Variants in IL1RN observed in about 807,000 individuals in gnomAD.
The protein encoded by IL1RN is interleukin-1 receptor antagonist protein.
IL1RN carries 10 observed loss-of-function variants against 13.7 expected under a neutral mutation model. The ratio of observed to expected loss-of-function variants is 0.73; its 90% CI spans 0.45 to 1.24. IL1RN has a LOEUF of 1.24. Ranked by LOEUF, IL1RN falls within the 50% of genes most tolerant of loss-of-function variation. The probability of loss-of-function intolerance (pLI) is 0.00; values close to 1 mark genes in which losing one functional copy is unlikely to be tolerated. For synonymous variants in IL1RN, 102 were observed against 82.7 expected, an observed-to-expected ratio of 1.23 and a Z score of -1.27; for missense variants, 213 against 222.1, an observed-to-expected ratio of 0.96 and a Z score of 0.26.
At position 113,120,711 on chromosome 2, in the gene IL1RN, A is replaced by C. The variant is rs151084046; in HGVS notation, c.73+583A>C. On this transcript the variant is annotated intron_variant, in intron 2 of 5. Transcript: ENST00000259206. ...ATCATTTCTTTCCTTATTACCAAAA[A>C]TCCTCCCCAAATTTTCAAGAAATTA... 4.8e-4 allele frequency among the ~76,000 whole-genome samples: 73 copies of C among 152,268 alleles called. No homozygotes were observed. The East Asian group carries it at 0.013, about 27-fold the overall frequency.
upstream of IL1RN, among the ~76,000 whole-genome samples, chr2:113,115,998 C>T (rs1051867595): frequency 1.9e-4 from 29 of 152,170 alleles, no homozygotes; most frequent in African/African-American, 7.0e-4. Flanking sequence ...ATAGTAATGG[C>T]TAATACTTAA....
chr2:113,113,791 G>C (rs542702025), upstream of IL1RN, among the ~76,000 whole-genome samples: 4 of 152,298 alleles, frequency 2.6e-5, no homozygotes, highest in African/African-American at 9.6e-5. Flanking sequence ...AGAAAAGGAG[G>C]AGCTGCTCAG....
upstream of IL1RN, among the ~76,000 whole-genome samples, chr2:113,110,115 G>GA (rs535693575): frequency 2.4e-4 from 36 of 151,998 alleles, no homozygotes; most frequent in Non-Finnish European, 4.3e-4. Context: ...GGTTGCAGAT[G>GA]AAAAAAAAGT....
At chr2:113,117,720 A>G, upstream of IL1RN, 1 of 562,960 alleles carries the variant, frequency 1.8e-6, no homozygotes, top group South Asian at 2.1e-5. Context: ...TCTTACGCAG[A>G]TAAGAACCAG....
upstream of IL1RN, chr2:113,115,776 G>A (rs189315427): frequency 6.6e-5 from 10 of 152,204 alleles, no homozygotes; most frequent in African/African-American, 2.4e-4. Flanking sequence ...GGCTTGCAAA[G>A]GAGAGTTCTG....
At chr2:113,127,342 T>C, upstream of IL1RN, 1 of 488,220 alleles carries the variant, frequency 2.0e-6, no homozygotes, top group Non-Finnish European at 2.7e-6. Context: ...CATTGTGCTC[T>C]TCTTCCCAGG....
chr2:113,131,248 G>A, intron 3 of IL1RN, 91 bp downstream of exon 3: 2 of 793,206 alleles, frequency 2.5e-6, no homozygotes, highest in Non-Finnish European at 4.5e-6. Flanking sequence ...GGTTGACCAG[G>A]ATTAGCTGGG....
intron 2 of IL1RN, chr2:113,120,209 G>A (rs1686722857): frequency 1.1e-6 from 1 of 948,470 alleles, no homozygotes; most frequent in Non-Finnish European, 1.7e-6. Flanking sequence ...GTAGTTGAAG[G>A]AAATTAAAGA....
upstream of IL1RN, among the ~76,000 whole-genome samples, chr2:113,113,898 T>C (rs1686544758): frequency 6.6e-6 from 1 of 152,224 alleles, no homozygotes; most frequent in Non-Finnish European, 1.5e-5. Context: ...GGATGCACCA[T>C]GCCAATGTAG....
upstream of IL1RN, among the ~76,000 whole-genome samples, chr2:113,125,738 G>T (rs1298695310): frequency 3.3e-5 from 5 of 152,310 alleles, no homozygotes; most frequent in African/African-American, 9.6e-5. Flanking sequence ...TTGACATTTT[G>T]TCTGTATTCC....
In IL1RN at chr2:113,129,558, A is replaced by C; in HGVS notation, c.117-18A>C. On this transcript the variant is annotated intron_variant, in intron 1 of 3. Transcript: ENST00000409930. Reference sequence around the variant, plus strand: ...ACATGGTGGCTGTGCACTACAGCTGAGTCCTTTTCCTTTTCAGAATCTGGG... The same window carrying C: ...ACATGGTGGCTGTGCACTACAGCTGCGTCCTTTTCCTTTTCAGAATCTGGG... The C allele has an allele frequency of 6.5e-7, 1 of 1,531,542 alleles. No homozygotes were observed. The highest frequency in any genetic ancestry group is 9.1e-7 in the Non-Finnish European group (1 of 1,104,650). 94.9% of individuals were successfully genotyped at this position (1,531,542 alleles called of 1,614,324 possible).
In IL1RN at chr2:113,127,831, G is replaced by A. The variant is rs1369558524; in HGVS notation, c.116+91G>A. The A allele has an allele frequency of 3.0e-6, 4 of 1,340,288 alleles. No homozygotes were observed. The Admixed American group carries it at 5.3e-5, about 18-fold the overall frequency. The allele number at this position is 1,340,288 out of a possible 1,614,324, so 83.0% of individuals were successfully genotyped here. On this transcript the variant is annotated intron_variant, in intron 1 of 3. Coordinates refer to ENST00000409930, the MANE Select transcript of IL1RN (RefSeq NM_173842.3). ...TGCCAGGGGCTGCCAGGCCCCAGAG[G>A]GCCTGAGAACTGGGTTTGGGCTGGA...
rs137959275 is a variant in IL1RN, at chr2:113,130,862, G to A, written c.206-183G>A. ...GAGACTCAGGCCTCTAGGAGTAACT[G>A]GGTAGTGTGCTTGGTTTAATCTTCT... On this transcript the variant is annotated intron_variant, in intron 2 of 3. Coordinates refer to ENST00000409930, the MANE Select transcript of IL1RN (RefSeq NM_173842.3). 3.4e-3 allele frequency among the ~76,000 whole-genome samples: 517 copies of A among 152,184 alleles called. 2 individuals carry two copies. Among genetic ancestry groups the A allele is most frequent in the African/African-American group, 0.012 (491 of 41,502 alleles).
intron 1 of IL1RN, among the ~76,000 whole-genome samples, chr2:113,111,428 G>A (rs936836190): frequency 1.3e-5 from 2 of 152,198 alleles, no homozygotes; most frequent in African/African-American, 4.8e-5. Context: ...GTAAAATGAA[G>A]ATAATAATAT....
chr2:113,111,394 C>T (rs1686492069), intron 1 of IL1RN, among the ~76,000 whole-genome samples: 1 of 152,172 alleles, frequency 6.6e-6, no homozygotes, highest in Non-Finnish European at 1.5e-5. Flanking sequence ...AGTCACACAG[C>T]TCTGTGCCTC....
chr2:113,104,629 A>G (rs1285410355), upstream of IL1RN, among the ~76,000 whole-genome samples: 2 of 152,176 alleles, frequency 1.3e-5, no homozygotes, highest in Non-Finnish European at 2.9e-5. Flanking sequence ...TTTAGTTTCT[A>G]TGTATGGTGC....
intron 1 of IL1RN, among the ~76,000 whole-genome samples, chr2:113,128,934 C>T (rs1270549698): frequency 6.6e-6 from 1 of 152,092 alleles, no homozygotes; most frequent in African/African-American, 2.4e-5. Flanking sequence ...CCGGGTTGTT[C>T]CCAAGGGTAG....
intron 1 of IL1RN, 75 bp downstream of exon 1, chr2:113,127,815 C>A: frequency 1.3e-6 from 2 of 1,483,004 alleles, no homozygotes; most frequent in Admixed American, 1.7e-5. Context: ...CTGCCAGGGG[C>A]TGCCAGGCCC....
upstream of IL1RN, among the ~76,000 whole-genome samples, chr2:113,110,508 A>C (rs567255914): frequency 4.6e-5 from 7 of 152,306 alleles, no homozygotes; most frequent in African/African-American, 1.7e-4. Flanking sequence ...GGGTAGAAAC[A>C]GATTTCAATG....
Sources: gnomAD v4.1 joint callset for allele counts (sites outside exome capture counted in the v4.1 genomes callset) on GRCh38, gnomAD v4.1.1 for gene constraint, MANE v1.5 for transcripts, NCBI Gene and HGNC (gene_info 2026-07-23, HGNC 2026-07-21) for gene names.